QTMAN: variants seen among roughly 807,000 people sequenced by gnomAD.
QTMAN encodes the protein queuosine-tRNA mannosyltransferase, also known as tRNA-queuosine alpha-mannosyltransferase.
the QTMAN span, among the ~76,000 whole-genome samples, chr2:144,309,430 T>C: frequency 1.8e-4 from 27 of 152,206 alleles, no homozygotes; most frequent in Non-Finnish European, 3.4e-4. Flanking sequence ...TAGAACACTA[T>C]TCTTTACTGA....
the QTMAN span, among the ~76,000 whole-genome samples, chr2:144,068,241 T>A: frequency 2.0e-5 from 3 of 152,178 alleles, no homozygotes; most frequent in African/African-American, 7.2e-5. Context: ...TTATCAGCTC[T>A]AAAGGCCTAA....
At chr2:144,172,729 T>G in the QTMAN span, among the ~76,000 whole-genome samples, 1 of 152,036 alleles carries the variant, frequency 6.6e-6, no homozygotes, top group Non-Finnish European at 1.5e-5. Flanking sequence ...ATAAAATTAT[T>G]CAAAAATACT....
the QTMAN span, among the ~76,000 whole-genome samples, chr2:144,197,894 G>A: frequency 3.3e-5 from 5 of 152,172 alleles, no homozygotes; most frequent in South Asian, 1.0e-3. Flanking sequence ...GCACTCGTTG[G>A]TGTTTTTGTC....
the QTMAN span, among the ~76,000 whole-genome samples, chr2:144,301,002 C>T: frequency 6.6e-6 from 1 of 152,086 alleles, no homozygotes; most frequent in East Asian, 1.9e-4. Context: ...ATCTGACCAT[C>T]TGTTTACCAA....
At chr2:144,106,249 A>C in the QTMAN span, among the ~76,000 whole-genome samples, 35 of 152,328 alleles carry the variant, frequency 2.3e-4, no homozygotes, top group African/African-American at 8.4e-4. Flanking sequence ...AAATTCACAC[A>C]TAACAATATT....
chr2:143,952,090 T>C, the QTMAN span: 3 of 1,492,656 alleles, frequency 2.0e-6, no homozygotes, highest in Non-Finnish European at 1.9e-6. Flanking sequence ...GAAAAACAGA[T>C]ACATTTTTAA....
the QTMAN span, among the ~76,000 whole-genome samples, chr2:143,958,346 T>C: frequency 5.9e-5 from 9 of 152,232 alleles, no homozygotes; most frequent in African/African-American, 2.2e-4. Context: ...CAAGCAGCAG[T>C]TAAGAAGAGC....
chr2:144,093,682 T>C, the QTMAN span, among the ~76,000 whole-genome samples: 2 of 152,202 alleles, frequency 1.3e-5, no homozygotes, highest in Non-Finnish European at 2.9e-5. Context: ...TACATGGACC[T>C]GAAAGTAGTT....
At chr2:144,191,779 C>T in the QTMAN span, among the ~76,000 whole-genome samples, 1 of 151,998 alleles carries the variant, frequency 6.6e-6, no homozygotes, top group Non-Finnish European at 1.5e-5. Flanking sequence ...TATAAAATAC[C>T]AAAATAACCC....
the QTMAN span, among the ~76,000 whole-genome samples, chr2:144,029,077 G>A: frequency 1.3e-5 from 2 of 152,118 alleles, no homozygotes; most frequent in African/African-American, 4.8e-5. Context: ...ACCTAGCTGA[G>A]CCTTTTATTT....
chr2:143,982,494 C>T, the QTMAN span, among the ~76,000 whole-genome samples: 1 of 151,808 alleles, frequency 6.6e-6, no homozygotes, highest in Non-Finnish European at 1.5e-5. Context: ...CTTGGCCTCC[C>T]AAAGTGCTGG....
the QTMAN span, among the ~76,000 whole-genome samples, chr2:144,055,111 G>A: frequency 0.057 from 8,646 of 152,178 alleles, 825 homozygotes; most frequent in African/African-American, 0.19. Context: ...TAGCGGAGTA[G>A]ATGCCAAATT....
At chr2:143,947,979 G>A in the QTMAN span, among the ~76,000 whole-genome samples, 1 of 152,042 alleles carries the variant, frequency 6.6e-6, no homozygotes, top group Admixed American at 6.6e-5. Flanking sequence ...TGCCTTAATT[G>A]TGCTGGTGCA....
the QTMAN span, among the ~76,000 whole-genome samples, chr2:144,100,956 G>A: frequency 2.3e-5 from 3 of 129,486 alleles, no homozygotes; most frequent in Non-Finnish European, 4.7e-5. Flanking sequence ...TGCAAGCTCC[G>A]CCTCCCGGGT....
At chr2:144,138,373 GAGA>G in the QTMAN span, among the ~76,000 whole-genome samples, 3 of 151,894 alleles carry the variant, frequency 2.0e-5, no homozygotes, top group Non-Finnish European at 2.9e-5. Context: ...TTGCTACTAA[GAGA>G]AGGAGAGAAA....
chr2:144,021,736 G>T, the QTMAN span, among the ~76,000 whole-genome samples: 3 of 152,170 alleles, frequency 2.0e-5, no homozygotes, highest in Non-Finnish European at 4.4e-5. Flanking sequence ...ATTTGGGAAA[G>T]GAAATCTAAT....
the QTMAN span, among the ~76,000 whole-genome samples, chr2:143,973,197 A>G: frequency 6.6e-6 from 1 of 152,132 alleles, no homozygotes; most frequent in East Asian, 1.9e-4. Flanking sequence ...ACCCCAAGCT[A>G]CTTAAACTCG....
the QTMAN span, among the ~76,000 whole-genome samples, chr2:144,290,276 A>C: frequency 6.6e-6 from 1 of 152,298 alleles, no homozygotes; most frequent in South Asian, 2.1e-4. Context: ...TGCTTAGTCC[A>C]AACTTTCTCT....
the QTMAN span, among the ~76,000 whole-genome samples, chr2:143,983,468 GTTT>G: frequency 7.8e-5 from 9 of 115,996 alleles, no homozygotes; most frequent in Admixed American, 1.9e-4. Context: ...CATTTTTGAG[GTTT>G]TTTTTTTTTT....
Sources: gnomAD v4.1 joint callset for allele counts (sites outside exome capture counted in the v4.1 genomes callset) on GRCh38, gnomAD v4.1.1 for gene constraint, MANE v1.5 for transcripts, NCBI Gene and HGNC (gene_info 2026-07-23, HGNC 2026-07-21) for gene names.